OSMR: variants seen among roughly 807,000 people sequenced by gnomAD.
OSMR encodes oncostatin-M-specific receptor subunit beta.
A neutral mutation model predicts 99.9 loss-of-function variants in OSMR; 81 were observed. The ratio of observed to expected loss-of-function variants is 0.81; its 90% CI spans 0.68 to 0.97. The LOEUF is 0.97. Ranked by LOEUF, OSMR falls within the 50% of genes least tolerant of loss-of-function variation. OSMR has a pLI of 0.00. For missense variants in OSMR, 1,099 were observed against 1,153.4 expected (o/e 0.95, Z 0.68); for synonymous variants, 406 against 410.4 (o/e 0.99, Z 0.13).
chr5:38,893,006 C>G (rs1228185832), intron 7 of OSMR, among the ~76,000 whole-genome samples: 1 of 152,186 alleles, frequency 6.6e-6, no homozygotes, highest in Non-Finnish European at 1.5e-5. Flanking sequence ...TGTCACCCTA[C>G]CTCTGCAGAA....
chr5:38,881,871 G>C (rs1485456560), intron 4 of OSMR, 107 bp downstream of exon 4: 1 of 990,614 alleles, frequency 1.0e-6, no homozygotes, highest in African/African-American at 1.6e-5. Flanking sequence ...GGTAGACACT[G>C]ACATTATTTT....
intron 1 of OSMR, among the ~76,000 whole-genome samples, chr5:38,854,962 CGAGA>C (rs1381359216): frequency 6.6e-6 from 1 of 152,114 alleles, no homozygotes; most frequent in African/African-American, 2.4e-5. Flanking sequence ...TGACAGTAGT[CGAGA>C]GAGAAAGCCG....
At chr5:38,888,539 A>G (rs555582361) in intron 7 of OSMR, among the ~76,000 whole-genome samples, 1 of 152,344 alleles carries the variant, frequency 6.6e-6, no homozygotes, top group South Asian at 2.1e-4. Flanking sequence ...TTTAACTCCT[A>G]TAACACTATA....
intron 15 of OSMR, among the ~76,000 whole-genome samples, chr5:38,931,148 G>A (rs1041635717): frequency 2.0e-5 from 3 of 152,148 alleles, no homozygotes; most frequent in African/African-American, 4.8e-5. Context: ...AGAAATAAAC[G>A]TAATCATTTT....
chr5:38,937,561 A>G (rs979253837), downstream of OSMR, among the ~76,000 whole-genome samples: 1 of 152,190 alleles, frequency 6.6e-6, no homozygotes, highest in South Asian at 2.1e-4. This position sits in a 1 kb window ranked among gnomAD's most constrained non-coding sequence, Gnocchi z 4.0. Context: ...AGCTTATCCA[A>G]TATCAGGGCA....
At chr5:38,879,245 G>A (rs534349472) in intron 3 of OSMR, among the ~76,000 whole-genome samples, 1 of 152,392 alleles carries the variant, frequency 6.6e-6, no homozygotes, top group South Asian at 2.1e-4. Flanking sequence ...TTCCAGGCCT[G>A]AAAGCCCGCT....
intron 3 of OSMR, among the ~76,000 whole-genome samples, chr5:38,881,208 A>T (rs1345338927): frequency 6.6e-6 from 1 of 150,554 alleles, no homozygotes; most frequent in East Asian, 1.9e-4. Flanking sequence ...TTTTTTTTTT[A>T]AAGGATGACT....
chr5:38,883,342 A>G (rs1743448410), intron 4 of OSMR, among the ~76,000 whole-genome samples: 1 of 152,256 alleles, frequency 6.6e-6, no homozygotes, highest in African/African-American at 2.4e-5. Flanking sequence ...CTCCAGTACA[A>G]TGAAGAGATT....
In OSMR at chr5:38,924,451, G is replaced by T. The variant is rs759664537; in HGVS notation, c.1900G>T (p.Asp634Tyr). ...APSDNPHVLV[D>Y]TLTSHSFTLS... is the part of the protein sequence containing the mutation. ...TTCAGACAACCCTCACGTGCTGGTGGATACATTGACATCCCACTCCTTCAC... is the reference window on the plus strand; with the variant it reads ...TTCAGACAACCCTCACGTGCTGGTGTATACATTGACATCCCACTCCTTCAC... Residue 634 changes from aspartate to tyrosine, a missense_variant, in exon 14 of 18, where the codon GAT becomes TAT. Physicochemically the swap from Asp to Tyr is radical, Grantham distance 160. Transcript: ENST00000274276. 1.2e-6 allele frequency: 2 copies of T among 1,614,080 alleles called. No homozygotes were observed. The highest frequency in any genetic ancestry group is 2.2e-5 in the South Asian group (2 of 91,072).
At chr5:38,944,605 A>G (rs762783988) in intron 2 of OSMR, 8 of 1,520,398 alleles carry the variant, frequency 5.3e-6, no homozygotes, top group East Asian at 2.3e-5. Context: ...AATATTATCT[A>G]TGTCACAATA....
chr5:38,895,806 C>T (rs756418304), intron 7 of OSMR, among the ~76,000 whole-genome samples: 5 of 151,910 alleles, frequency 3.3e-5, no homozygotes, highest in Admixed American at 6.6e-5. Context: ...AAGTCTTTAA[C>T]ACATTTTGAT....
At chr5:38,884,234 T>C in intron 5 of OSMR, 123 bp downstream of exon 5, 1 of 871,994 alleles carries the variant, frequency 1.1e-6, no homozygotes, top group Non-Finnish European at 2.0e-6. Context: ...GTTTCCCAAG[T>C]TTTCTAGGAG....
At chr5:38,917,522 G>A (rs1295099857) in intron 9 of OSMR, 24 bp from the exon 10 acceptor site, 3 of 1,611,226 alleles carry the variant, frequency 1.9e-6, no homozygotes, top group Admixed American at 1.7e-5. Context: ...TGTGACTCAA[G>A]AACTTTTCTT....
chr5:38,855,222 G>A (rs1300144777), intron 1 of OSMR, among the ~76,000 whole-genome samples: 1 of 152,182 alleles, frequency 6.6e-6, no homozygotes, highest in Non-Finnish European at 1.5e-5. Context: ...GCAGCCCAGA[G>A]CTTCGTGCGC....
intron 17 of OSMR, 43 bp from the exon 18 acceptor site, chr5:38,932,829 A>C: frequency 6.2e-7 from 1 of 1,612,118 alleles, no homozygotes; most frequent in Non-Finnish European, 8.5e-7. Context: ...ATGCATGCAC[A>C]CACACAAATG....
rs553116526 is a variant in OSMR, at chr5:38,929,316, G to A, written c.2213-2567G>A. On this transcript the variant is annotated intron_variant, in intron 15 of 17. Coordinates refer to ENST00000274276, the MANE Select transcript of OSMR (RefSeq NM_003999.3). Reference sequence around the variant, plus strand: ...AATAATCCTTTCTCTTTGTAAATTGGTTTGTTAACTTTTTCTCGGATTAGG... The same window carrying A: ...AATAATCCTTTCTCTTTGTAAATTGATTTGTTAACTTTTTCTCGGATTAGG... Among the ~76,000 whole-genome samples the A allele has an allele frequency of 2.6e-5, 4 of 152,190 alleles. No homozygotes were observed. The South Asian group carries it at 8.3e-4, about 32-fold the overall frequency.
Position 38,881,623 on chromosome 5 carries a change from C to A in OSMR, c.277C>A (p.Gln93Lys). The A allele has an allele frequency of 6.2e-7, 1 of 1,614,074 alleles. No individual in the cohort carries two copies. The highest frequency in any genetic ancestry group is 8.5e-7 in the Non-Finnish European group (1 of 1,179,954). ...GNYSTTVKWN[Q>K]VLHWSWESEL... is the part of the protein sequence containing the mutation. The stretch of plus-strand genomic sequence containing the variant: ...TTACAGCACCACTGTGAAGTGGAAC[C>A]AGGTTCTGCATTGGAGCTGGGAATC... Residue 93 changes from glutamine to lysine, a missense_variant, in exon 4 of 18, where the codon CAG becomes AAG. Coordinates refer to ENST00000274276, the MANE Select transcript of OSMR (RefSeq NM_003999.3).
intron 7 of OSMR, among the ~76,000 whole-genome samples, chr5:38,893,644 A>G (rs1284949986): frequency 6.6e-6 from 1 of 151,864 alleles, no homozygotes; most frequent in Non-Finnish European, 1.5e-5. Flanking sequence ...ATTTTAAAAA[A>G]TGAACAAAGT....
chr5:38,868,909 T>A, intron 1 of OSMR, 123 bp from the exon 2 acceptor site: 1 of 1,137,560 alleles, frequency 8.8e-7, no homozygotes, highest in Non-Finnish European at 1.2e-6. Context: ...ACAAGAGGCA[T>A]GGATACAGGG....
Sources: gnomAD v4.1 joint callset for allele counts (sites outside exome capture counted in the v4.1 genomes callset) on GRCh38, gnomAD v4.1.1 for gene constraint, Gnocchi (gnomAD v3.1) non-coding constraint, MANE v1.5 for transcripts, NCBI Gene and HGNC (gene_info 2026-07-23, HGNC 2026-07-21) for gene names.